The following HNRNPLL variants were observed in gnomAD, a reference collection of about 807,000 sequenced individuals.
HNRNPLL encodes the protein heterogeneous nuclear ribonucleoprotein L like, also known as heterogeneous nuclear ribonucleoprotein L-like.
In HNRNPLL, 25 loss-of-function variants were observed where a neutral mutation model predicts 67.1. The observed-to-expected ratio is 0.37, with a 90% CI of 0.27 to 0.52. HNRNPLL has a LOEUF of 0.52. Among genes scored for constraint, HNRNPLL ranks in the 20% least tolerant of loss-of-function variants. HNRNPLL has a pLI of 0.90. For missense variants in HNRNPLL, 542 were observed against 673.9 expected (o/e 0.80, Z 2.17); for synonymous variants, 267 against 241.7 (o/e 1.10, Z -0.97).
At chr2:38,574,439 T>G (rs1424936483) in intron 7 of HNRNPLL, among the ~76,000 whole-genome samples, 2 of 151,848 alleles carry the variant, frequency 1.3e-5, no homozygotes, top group African/African-American at 4.8e-5. Context: ...CCCCCTGATG[T>G]GCAAAACCAA....
At chr2:38,580,471 C>T (rs1206016592) in intron 6 of HNRNPLL, among the ~76,000 whole-genome samples, 1 of 152,202 alleles carries the variant, frequency 6.6e-6, no homozygotes, top group Non-Finnish European at 1.5e-5. Flanking sequence ...TCAATCATCA[C>T]ATTGTCTTTT....
chr2:38,564,585 G>C (rs1665778911), intron 12 of HNRNPLL, among the ~76,000 whole-genome samples: 1 of 134,174 alleles, frequency 7.5e-6, no homozygotes, highest in South Asian at 2.3e-4. Context: ...GTGCACTCTA[G>C]CCTGGGTGAC....
chr2:38,582,318 G>A lies in HNRNPLL; in HGVS notation c.633-150C>T, dbSNP rs965248753. 149 of 671,918 alleles carry A rather than the reference G, an allele frequency of 2.2e-4. 3 individuals are homozygous for A. In the Middle Eastern group the frequency reaches 3.7e-3, roughly 17 times the overall value. The allele number at this position is 671,918 out of a possible 1,614,324, so 41.6% of individuals were successfully genotyped here. A position where few individuals can be genotyped will look rare whatever the true frequency, so the allele number is the denominator to read the frequency against. ...AGGATGAATTTTAAGAGAATTTTTT[G>A]TTTTGTTTTGTTTTTGAGACGGAGT... On this transcript the variant is annotated intron_variant, in intron 4 of 12. Transcript: ENST00000449105.
At chr2:38,569,660 CTAAAA>C in intron 9 of HNRNPLL, 139 bp downstream of exon 9, 2 of 538,306 alleles carry the variant, frequency 3.7e-6, no homozygotes, top group Non-Finnish European at 6.4e-6. Context: ...TAACTCTTGT[CTAAAA>C]TAACAATATT....
intron 7 of HNRNPLL, among the ~76,000 whole-genome samples, chr2:38,574,915 C>G (rs972972415): frequency 1.3e-5 from 2 of 151,964 alleles, no homozygotes; most frequent in Middle Eastern, 3.4e-3. Flanking sequence ...ATCAATTATT[C>G]TTATTCCTAT....
At chr2:38,567,281 TA>T (rs993655817) in intron 12 of HNRNPLL, among the ~76,000 whole-genome samples, 4 of 152,084 alleles carry the variant, frequency 2.6e-5, no homozygotes, top group African/African-American at 4.8e-5. Flanking sequence ...TTTTTTTTAT[TA>T]TTTTTTTATT....
rs1310391101 is a variant in HNRNPLL, at chr2:38,562,241, T to C, written c.*1941A>G. 4 of 152,146 alleles carry C rather than the reference T, an allele frequency of 2.6e-5. No homozygotes were observed. The highest frequency in any genetic ancestry group is 9.7e-5 in the African/African-American group (4 of 41,430). The allele number at this position is 152,146 out of a possible 1,614,324, so 9.4% of individuals were successfully genotyped here. A position where few individuals can be genotyped will look rare whatever the true frequency, so the allele number is the denominator to read the frequency against. ...AAAAACATTAGTGACAGCAGCAGTA[T>C]AGGGCTTACACACCAGTGTATAAAT... On this transcript the variant is annotated 3_prime_UTR_variant, in exon 13 of 13. Coordinates refer to ENST00000449105, the MANE Select transcript of HNRNPLL (RefSeq NM_138394.4).
At chr2:38,600,090 T>A (rs1299124964) in intron 1 of HNRNPLL, 1 of 223,796 alleles carries the variant, frequency 4.5e-6, no homozygotes, top group African/African-American at 2.3e-5. Context: ...GTTTCCATAG[T>A]TGCCATGATT....
chr2:38,569,388 C>A, intron 9 of HNRNPLL, 54 bp from the exon 10 acceptor site: 1 of 1,256,214 alleles, frequency 8.0e-7, no homozygotes, highest in Non-Finnish European at 1.1e-6. Flanking sequence ...TAAAAAGCAG[C>A]AAGTAGTCTC....
chr2:38,591,797 G>A (rs1666967440), intron 1 of HNRNPLL, 149 bp from the exon 2 acceptor site: 5 of 495,658 alleles, frequency 1.0e-5, no homozygotes, highest in African/African-American at 2.0e-5. Context: ...CCAACATGGT[G>A]AAACCCCATC....
At chr2:38,578,718 CAAT>C (rs1033390647) in intron 6 of HNRNPLL, among the ~76,000 whole-genome samples, 5 of 151,920 alleles carry the variant, frequency 3.3e-5, no homozygotes, top group African/African-American at 1.2e-4. Flanking sequence ...TACCCAAAAC[CAAT>C]AATAAGATTT....
At chr2:38,567,843 G>T (rs898719304) in intron 12 of HNRNPLL, among the ~76,000 whole-genome samples, 2 of 152,168 alleles carry the variant, frequency 1.3e-5, no homozygotes, top group Non-Finnish European at 2.9e-5. Context: ...GAGTGCGCCT[G>T]GGGGTGGATC....
chr2:38,575,249 C>T (rs1024254118), intron 7 of HNRNPLL, among the ~76,000 whole-genome samples: 2 of 151,634 alleles, frequency 1.3e-5, no homozygotes, highest in Non-Finnish European at 3.0e-5. Context: ...AAAAATCAGA[C>T]GTCTTTTAAA....
chr2:38,571,980 G>C (rs78084338), intron 8 of HNRNPLL, among the ~76,000 whole-genome samples: 2,086 of 152,162 alleles, frequency 0.014, 49 homozygotes, highest in African/African-American at 0.047. Flanking sequence ...GATTCTGATT[G>C]TCTGCATATG....
Position 38,582,310 on chromosome 2 carries a change from A to G in HNRNPLL, c.633-142T>C, listed in dbSNP as rs1666560284. The G allele has an allele frequency of 1.1e-5, 8 of 699,018 alleles. No individual in the cohort carries two copies. In the Admixed American group the frequency reaches 1.6e-4, roughly 14 times the overall value. The allele number at this position is 699,018 out of a possible 1,614,324, so 43.3% of individuals were successfully genotyped here. On this transcript the variant is annotated intron_variant, in intron 4 of 12. Transcript: ENST00000449105. ...CCAATTTCAGGATGAATTTTAAGAG[A>G]ATTTTTTGTTTTGTTTTGTTTTTGA...
intron 1 of HNRNPLL, chr2:38,600,008 C>T (rs775085008): frequency 2.2e-6 from 1 of 444,922 alleles, no homozygotes; most frequent in Non-Finnish European, 4.6e-6. Context: ...AACATGTGAA[C>T]GAAGAAGCAC....
In HNRNPLL at chr2:38,568,396, A is replaced by G. The variant is rs1156797137; in HGVS notation, c.1464T>C (p.Phe488=). The G allele has an allele frequency of 6.2e-7, 1 of 1,609,776 alleles. No individual in the cohort carries two copies. The highest frequency in any genetic ancestry group is 2.2e-5 in the East Asian group (1 of 44,782). ...GGACTGTTCACTTACGTTTTGCATC[A>G]AACACTTTATATTTGATGAATGTAA... The part of the protein sequence containing the change: ...EVLTFIKYKV[F]DAKPSAKTLS... The change falls in exon 11 of 13, where the codon TTT becomes TTC. Residue 488 remains phenylalanine (F), a synonymous_variant. Transcript: ENST00000449105.
chr2:38,569,780 T>G (rs1393753989), intron 9 of HNRNPLL, 24 bp downstream of exon 9: 3 of 1,214,950 alleles, frequency 2.5e-6, no homozygotes, highest in Admixed American at 2.4e-5. Flanking sequence ...TTTTTAAAAT[T>G]TATCATTTAA....
intron 8 of HNRNPLL, among the ~76,000 whole-genome samples, chr2:38,572,667 T>C (rs1666138703): frequency 6.6e-6 from 1 of 152,082 alleles, no homozygotes; most frequent in Admixed American, 6.6e-5. Context: ...AATATGTATA[T>C]TGCTAGACAG....
Sources: gnomAD v4.1 joint callset for allele counts (sites outside exome capture counted in the v4.1 genomes callset) on GRCh38, gnomAD v4.1.1 for gene constraint, MANE v1.5 for transcripts, NCBI Gene and HGNC (gene_info 2026-07-23, HGNC 2026-07-21) for gene names.